The following COL4A6 variants were observed in gnomAD, a reference collection of about 807,000 sequenced individuals.
COL4A6 encodes the protein collagen type IV alpha 6 chain.
COL4A6 carries 59 observed loss-of-function variants against 126.7 expected under a neutral mutation model. The observed-to-expected ratio is 0.47, with a 90% CI of 0.38 to 0.58. The LOEUF (loss-of-function observed/expected upper bound fraction) is 0.58, where lower values mean the gene tolerates loss of function less well. COL4A6 is among the 20% of genes least tolerant of loss of function. COL4A6 has a pLI of 0.00. For missense variants in COL4A6, 1,285 were observed against 1,337.3 expected (o/e 0.96, Z 0.61); for synonymous variants, 547 against 496.6 (o/e 1.10, Z -1.35).
At chrX:108,312,171 T>C (rs770767446) in intron 2 of COL4A6, among the ~76,000 whole-genome samples, 1 of 112,405 alleles carries the variant, frequency 8.9e-6, no homozygotes, top group African/African-American at 3.2e-5. Context: ...GGCATATTTA[T>C]GAGCTGACCT....
rs375580465 is a variant in COL4A6 at position 108,161,711 on chromosome X, G to T, written c.4241C>A (p.Pro1414His). 8.3e-7 allele frequency: 1 copy of T among 1,204,912 alleles called. No individual in the cohort carries two copies. Among genetic ancestry groups the T allele is most frequent in the African/African-American group, 1.7e-5 (1 of 57,445 alleles). ...LQGSKGLPGI[P>H]GKDGPSGLPG... ...GAGCCCACTGGGGCCATCTTTACCG[G>T]GGATGCCAGGTAAACCTTTGGAGCC... The change falls in exon 42 of 45, where the codon CCC (proline) becomes CAC (histidine). Residue 1414 changes from proline (P) to histidine (H), a missense_variant. Pro to His is a moderately conservative substitution (Grantham distance 77). Transcript: ENST00000334504.
rs756836194 is a variant in COL4A6 at position 108,362,059 on chromosome X, G to A, written c.64-51231C>T. The stretch of plus-strand genomic sequence containing the variant: ...TCTCAATTCCATCAAACTAGTTTGT[G>A]TGTGTGTGTGTGTGTGTGTGTGAGA... On this transcript the variant is annotated intron_variant, in intron 2 of 44. Coordinates refer to ENST00000334504, the MANE Select transcript of COL4A6 (RefSeq NM_033641.4). Among the ~76,000 whole-genome samples, 53 of 109,331 alleles carry A rather than the reference G, an allele frequency of 4.8e-4. No individual in the cohort carries two copies. The South Asian group carries it at 6.6e-3, about 14-fold the overall frequency. The allele number at this position is 109,331 out of a possible 115,157, so 94.9% of individuals were successfully genotyped here. A position where few individuals can be genotyped will look rare whatever the true frequency, so the allele number is the denominator to read the frequency against.
intron 2 of COL4A6, among the ~76,000 whole-genome samples, chrX:108,320,091 T>A (rs2038990238): frequency 8.9e-6 from 1 of 112,001 alleles, no homozygotes; most frequent in Non-Finnish European, 1.9e-5. Flanking sequence ...CTCTTCAACA[T>A]ACTTATTTTT....
intron 2 of COL4A6, among the ~76,000 whole-genome samples, chrX:108,424,480 A>G (rs2064036668): frequency 2.7e-5 from 3 of 111,671 alleles, no homozygotes; most frequent in Admixed American, 9.5e-5. Context: ...ATAGATATTA[A>G]TTACTCATTT....
At chrX:108,354,476 A>C (rs1253690711) in intron 2 of COL4A6, among the ~76,000 whole-genome samples, 2 of 111,291 alleles carry the variant, frequency 1.8e-5, no homozygotes, top group Non-Finnish European at 1.9e-5. Context: ...ATAGCCCTGA[A>C]TTTTGAACCC....
intron 27 of COL4A6, 53 bp downstream of exon 27, chrX:108,178,631 C>T (rs185078433): frequency 1.1e-4 from 124 of 1,172,162 alleles, no homozygotes; most frequent in Non-Finnish European, 1.1e-6. Context: ...GCATCTGGGC[C>T]CAGGGCCTAG....
At chrX:108,181,987 T>C (rs1183123670) in intron 23 of COL4A6, among the ~76,000 whole-genome samples, 2 of 112,569 alleles carry the variant, frequency 1.8e-5, no homozygotes, top group Non-Finnish European at 3.7e-5. Flanking sequence ...ACACATCCTA[T>C]GATTCAAACT....
chrX:108,252,519 A>C (rs1285100306), intron 3 of COL4A6, among the ~76,000 whole-genome samples: 1 of 111,593 alleles, frequency 9.0e-6, no homozygotes, highest in Non-Finnish European at 1.9e-5. Context: ...GATTGTGATA[A>C]ACAAGTCCTC....
At chrX:108,182,843 G>C (rs1257131139) in intron 23 of COL4A6, among the ~76,000 whole-genome samples, 1 of 112,446 alleles carries the variant, frequency 8.9e-6, no homozygotes, top group African/African-American at 3.2e-5. Flanking sequence ...CAACTATTAA[G>C]CCATTCATCC....
chrX:108,322,955 A>C (rs1404418432), intron 2 of COL4A6, among the ~76,000 whole-genome samples: 1 of 112,037 alleles, frequency 8.9e-6, no homozygotes, highest in African/African-American at 3.2e-5. Flanking sequence ...TTGTCTGAAA[A>C]CCCTACAAGT....
At chrX:108,354,380 A>G (rs1368020077) in intron 2 of COL4A6, among the ~76,000 whole-genome samples, 1 of 111,431 alleles carries the variant, frequency 9.0e-6, no homozygotes, top group Non-Finnish European at 1.9e-5. Flanking sequence ...GTACATTTCT[A>G]TAAGTGCTTT....
At chrX:108,426,534 C>T (rs1179422589) in intron 2 of COL4A6, among the ~76,000 whole-genome samples, 1 of 112,032 alleles carries the variant, frequency 8.9e-6, no homozygotes, top group Admixed American at 9.5e-5. Context: ...AAGCAGGTCT[C>T]TACAGGAAAT....
intron 2 of COL4A6, among the ~76,000 whole-genome samples, chrX:108,340,912 T>G (rs2039548632): frequency 9.1e-6 from 1 of 109,424 alleles, no homozygotes; most frequent in Non-Finnish European, 1.9e-5. Flanking sequence ...ATAAAGGCCA[T>G]GAAAGGAAAA....
chrX:108,391,049 G>T (rs752809729), intron 2 of COL4A6, among the ~76,000 whole-genome samples: 3 of 111,244 alleles, frequency 2.7e-5, no homozygotes, highest in Non-Finnish European at 5.7e-5. Flanking sequence ...AGTGGAGATG[G>T]TGTTCCTTCC....
chrX:108,159,861 C>T (rs1277936965), intron 43 of COL4A6, 113 bp from the exon 44 acceptor site: 1 of 790,315 alleles, frequency 1.3e-6, no homozygotes, highest in East Asian at 3.2e-5. Context: ...CAGCCCTCTC[C>T]TTCCAATCCT....
chrX:108,320,743 G>C (rs745998449), intron 2 of COL4A6, among the ~76,000 whole-genome samples: 1 of 111,828 alleles, frequency 8.9e-6, no homozygotes, highest in East Asian at 2.8e-4. Context: ...TGTTGAAATG[G>C]CTGCTCATTC....
At chrX:108,428,367 C>T (rs1603234588) in intron 2 of COL4A6, among the ~76,000 whole-genome samples, 1 of 111,418 alleles carries the variant, frequency 9.0e-6, no homozygotes, top group East Asian at 2.8e-4. Context: ...ACATCAATTG[C>T]CAAAATTGGG....
chrX:108,198,622 G>A (rs188860749), intron 13 of COL4A6, among the ~76,000 whole-genome samples: 3 of 110,671 alleles, frequency 2.7e-5, no homozygotes, highest in Non-Finnish European at 5.7e-5. Context: ...GACTGGCCCC[G>A]TGACAGTCAG....
chrX:108,267,623 A>G, intron 3 of COL4A6: 1 of 112,748 alleles, frequency 8.9e-6, no homozygotes, highest in East Asian at 2.8e-4. Context: ...ACACACATGT[A>G]CATACATACA....
Sources: allele counts gnomAD v4.1 joint callset (sites outside exome capture counted in the v4.1 genomes callset), GRCh38; gene constraint gnomAD v4.1.1; transcripts MANE v1.5; gene names NCBI Gene and HGNC (gene_info 2026-07-23, HGNC 2026-07-21).